RBM46: variants seen among roughly 807,000 people sequenced by gnomAD.
RBM46 encodes RNA binding motif protein 46, also known as probable RNA-binding protein 46.
RBM46 carries 12 observed loss-of-function variants against 43.3 expected under a neutral mutation model. The ratio of observed to expected loss-of-function variants is 0.28; its 90% CI spans 0.18 to 0.45. The LOEUF is 0.45. Among genes scored for constraint, RBM46 ranks in the 20% least tolerant of loss-of-function variants. The pLI is 1.00. For missense variants in RBM46, 412 were observed against 639.1 expected (o/e 0.64, Z 3.83); for synonymous variants, 205 against 207.6 (o/e 0.99, Z 0.11).
At chr4:154,782,553 G>A (rs112624090) in intron 1 of RBM46, among the ~76,000 whole-genome samples, 4 of 152,072 alleles carry the variant, frequency 2.6e-5, no homozygotes, top group African/African-American at 9.7e-5. Flanking sequence ...GCAGGATCTC[G>A]GCTGACTGCA....
At chr4:154,825,626 G>A (rs986230597) in intron 4 of RBM46, among the ~76,000 whole-genome samples, 4 of 152,116 alleles carry the variant, frequency 2.6e-5, no homozygotes, top group Non-Finnish European at 5.9e-5. Flanking sequence ...TTGAAAATAT[G>A]CAGTACAACA....
intron 4 of RBM46, chr4:154,826,782 TG>T: frequency 6.6e-7 from 1 of 1,521,898 alleles, no homozygotes. Context: ...TTTCTGATGT[TG>T]CTTGAGCTTA....
chr4:154,820,533 G>A lies in RBM46; in HGVS notation c.1403-7335G>A, dbSNP rs868647053. On this transcript the variant is annotated intron_variant, in intron 4 of 4. Transcript: ENST00000281722. Reference sequence around the variant, plus strand: ...AATGAAAAGAATGAAACTTTATGAAGTATTTTTTATAATAGCCTTGTTAAT... The same window carrying A: ...AATGAAAAGAATGAAACTTTATGAAATATTTTTTATAATAGCCTTGTTAAT... 2.5e-5 allele frequency: 14 copies of A among 564,158 alleles called. No individual in the cohort carries two copies. The South Asian group carries it at 4.9e-4, about 20-fold the overall frequency. 34.9% of individuals were successfully genotyped at this position (564,158 alleles called of 1,614,324 possible).
chr4:154,822,295 GT>G (rs1735755445), intron 4 of RBM46, among the ~76,000 whole-genome samples: 1 of 151,418 alleles, frequency 6.6e-6, no homozygotes, highest in Non-Finnish European at 1.5e-5. Context: ...CTCTAGATTA[GT>G]TTGCATTTTC....
At chr4:154,809,102 T>C (rs1735053428) in intron 4 of RBM46, among the ~76,000 whole-genome samples, 3 of 152,246 alleles carry the variant, frequency 2.0e-5, no homozygotes, top group South Asian at 4.1e-4. Flanking sequence ...GAAATACATA[T>C]ATGTATGTGT....
At chr4:154,821,100 T>C (rs1412949453) in intron 4 of RBM46, among the ~76,000 whole-genome samples, 1 of 151,810 alleles carries the variant, frequency 6.6e-6, no homozygotes, top group African/African-American at 2.4e-5. Flanking sequence ...ACTAATCTTG[T>C]GTGGTTATTT....
chr4:154,827,051 G>C, intron 4 of RBM46: 1 of 1,185,616 alleles, frequency 8.4e-7, no homozygotes. Context: ...GTTTTTGGAA[G>C]GTACAGGATT....
chr4:154,794,611 A>G (rs1001814398), intron 1 of RBM46, among the ~76,000 whole-genome samples: 2 of 152,200 alleles, frequency 1.3e-5, no homozygotes, highest in Non-Finnish European at 2.9e-5. Flanking sequence ...TAAAGTTTAT[A>G]AGAAGTTACC....
At chr4:154,805,034 C>G (rs1028252456) in intron 4 of RBM46, among the ~76,000 whole-genome samples, 2 of 151,716 alleles carry the variant, frequency 1.3e-5, no homozygotes, top group East Asian at 3.9e-4. Flanking sequence ...AGTTGTAAAC[C>G]CTTTGCAGAG....
chr4:154,792,140 T>C lies in RBM46; in HGVS notation c.-11-4602T>C, dbSNP rs139284196. Among the ~76,000 whole-genome samples the C allele has an allele frequency of 4.3e-3, 649 of 152,348 alleles. 1 individual carries two copies. Among genetic ancestry groups the C allele is most frequent in the African/African-American group, 0.015 (607 of 41,590 alleles). On this transcript the variant is annotated intron_variant, in intron 1 of 4. Transcript: ENST00000281722. ...CCCAGCATTTGGGCAAACAGATTTCTGATTTGAATACCATATTTACCTTAT... is the reference window on the plus strand; with the variant it reads ...CCCAGCATTTGGGCAAACAGATTTCCGATTTGAATACCATATTTACCTTAT...
At chr4:154,789,764 T>C (rs1733981268) in intron 1 of RBM46, among the ~76,000 whole-genome samples, 1 of 152,220 alleles carries the variant, frequency 6.6e-6, no homozygotes, top group Non-Finnish European at 1.5e-5. Flanking sequence ...TGCACCTCTT[T>C]GTACCTCTGG....
At chr4:154,822,704 A>G (rs1272770830) in intron 4 of RBM46, among the ~76,000 whole-genome samples, 1 of 151,820 alleles carries the variant, frequency 6.6e-6, no homozygotes, top group Non-Finnish European at 1.5e-5. Flanking sequence ...TTTTTTAAAA[A>G]AATTTCAATA....
intron 1 of RBM46, among the ~76,000 whole-genome samples, chr4:154,783,745 T>A (rs1330893564): frequency 1.3e-5 from 2 of 151,802 alleles, no homozygotes; most frequent in African/African-American, 4.9e-5. Context: ...TCATTCAGAA[T>A]TTAAACTTAA....
At chr4:154,802,171 C>T (rs1734668516) in intron 4 of RBM46, among the ~76,000 whole-genome samples, 1 of 152,144 alleles carries the variant, frequency 6.6e-6, no homozygotes, top group South Asian at 2.1e-4. Flanking sequence ...CACAGAAATC[C>T]TTATGGTGCT....
intron 4 of RBM46, among the ~76,000 whole-genome samples, chr4:154,801,145 A>C (rs1175075144): frequency 6.6e-6 from 1 of 151,974 alleles, no homozygotes; most frequent in East Asian, 1.9e-4. Flanking sequence ...TGCCCGGCTA[A>C]TTTTTGTATT....
chr4:154,827,354 G>A (rs1046218524), intron 4 of RBM46: 26 of 976,480 alleles, frequency 2.7e-5, no homozygotes, highest in Non-Finnish European at 2.9e-5. Flanking sequence ...AGTTAGATAA[G>A]TGTTTATATT....
intron 4 of RBM46, among the ~76,000 whole-genome samples, chr4:154,802,704 A>G (rs1379779752): frequency 1.3e-5 from 2 of 152,178 alleles, no homozygotes; most frequent in Non-Finnish European, 2.9e-5. Context: ...TTTTGGCTCT[A>G]TTAAAGAATT....
At chr4:154,827,651 A>T (rs1736027330) in intron 4 of RBM46, 2 of 1,356,706 alleles carry the variant, frequency 1.5e-6, no homozygotes, top group Admixed American at 6.7e-5. Flanking sequence ...TCTCTGAAAC[A>T]TTGCGTGAGT....
rs1376753250 is a variant in RBM46, at chr4:154,796,734, T to C, written c.-11-8T>C. Reference sequence around the variant, plus strand: ...AAACTTAACCAGTGTTATTAAACTTTATTTTAGGAACTGCAACCATGAATG... The same window carrying C: ...AAACTTAACCAGTGTTATTAAACTTCATTTTAGGAACTGCAACCATGAATG... On this transcript the variant is annotated splice_polypyrimidine_tract_variant and splice_region_variant and intron_variant, in intron 1 of 4. Coordinates refer to ENST00000281722, the MANE Select transcript of RBM46 (RefSeq NM_144979.5). 5.1e-6 allele frequency: 8 copies of C among 1,582,972 alleles called. No homozygotes were observed. The highest frequency in any genetic ancestry group is 6.0e-6 in the Non-Finnish European group (7 of 1,163,688).
Sources: allele counts gnomAD v4.1 joint callset (sites outside exome capture counted in the v4.1 genomes callset), GRCh38; gene constraint gnomAD v4.1.1; transcripts MANE v1.5; gene names NCBI Gene and HGNC (gene_info 2026-07-23, HGNC 2026-07-21).